The following R3HCC1L variants were observed in gnomAD, a reference collection of about 807,000 sequenced individuals.
R3HCC1L encodes the protein coiled-coil domain-containing protein R3HCC1L.
R3HCC1L carries 51 observed loss-of-function variants against 59.9 expected under a neutral mutation model. The observed-to-expected ratio is 0.85, with a 90% CI of 0.68 to 1.07. The LOEUF (loss-of-function observed/expected upper bound fraction) is 1.07, where lower values mean the gene tolerates loss of function less well. R3HCC1L is among the 50% of genes least tolerant of loss of function. The pLI is 0.00. For missense variants in R3HCC1L, 965 were observed against 933.0 expected (o/e 1.03, Z -0.45); for synonymous variants, 322 against 315.2 (o/e 1.02, Z -0.23).
chr10:98,153,883 G>A (rs558324098), intron 1 of R3HCC1L, among the ~76,000 whole-genome samples: 2 of 151,524 alleles, frequency 1.3e-5, no homozygotes, highest in Non-Finnish European at 1.5e-5. Flanking sequence ...TTTCCCCACT[G>A]TGTTCAGATT....
intron 9 of R3HCC1L, among the ~76,000 whole-genome samples, chr10:98,236,458 T>A (rs567442482): frequency 8.5e-5 from 13 of 152,218 alleles, no homozygotes; most frequent in Non-Finnish European, 1.9e-4. Context: ...ATGAGAAAAA[T>A]TTTCCTGTGA....
intron 4 of R3HCC1L, among the ~76,000 whole-genome samples, chr10:98,166,782 C>T (rs1402038074): frequency 2.6e-5 from 4 of 152,216 alleles, no homozygotes; most frequent in South Asian, 2.1e-4. Flanking sequence ...TCTCCTGCCT[C>T]AGCCTCCCGA....
At chr10:98,188,205 G>A (rs1482573337) in intron 4 of R3HCC1L, among the ~76,000 whole-genome samples, 1 of 152,166 alleles carries the variant, frequency 6.6e-6, no homozygotes, top group Non-Finnish European at 1.5e-5. Context: ...TGCTGTATGT[G>A]CCAGGAATGG....
intron 4 of R3HCC1L, among the ~76,000 whole-genome samples, chr10:98,200,850 A>T (rs1851958457): frequency 6.6e-6 from 1 of 152,174 alleles, no homozygotes; most frequent in Non-Finnish European, 1.5e-5. Context: ...ATTTTTAAAC[A>T]TCTTCACCAA....
chr10:98,222,734 A>G (rs550772107), intron 5 of R3HCC1L, among the ~76,000 whole-genome samples: 1 of 152,308 alleles, frequency 6.6e-6, no homozygotes, highest in Admixed American at 6.5e-5. Context: ...CCTTCAAAAA[A>G]TTAATGAATC....
rs536465340 is a variant in R3HCC1L, at chr10:98,152,307, C to T, written c.-267-3786C>T. 9.7e-4 allele frequency among the ~76,000 whole-genome samples: 147 copies of T among 152,182 alleles called. 1 individual carries two copies. The highest frequency in any genetic ancestry group is 3.4e-3 in the African/African-American group (143 of 41,574). Reference sequence around the variant, plus strand: ...TGGCGCCATCTCGGCTAGCTACGACCTCCACCTCCCAGCCGCCTGCCTTGG... The same window carrying T: ...TGGCGCCATCTCGGCTAGCTACGACTTCCACCTCCCAGCCGCCTGCCTTGG... On this transcript the variant is annotated intron_variant, in intron 1 of 9. Coordinates refer to ENST00000298999, the MANE Select transcript of R3HCC1L (RefSeq NM_001351015.2).
intron 4 of R3HCC1L, among the ~76,000 whole-genome samples, chr10:98,181,721 A>C (rs1157605372): frequency 6.6e-6 from 1 of 151,302 alleles, no homozygotes; most frequent in Non-Finnish European, 1.5e-5. Context: ...ATTTCTTTTT[A>C]CTCGTTTTTC....
chr10:98,149,048 T>C (rs549945352), intron 1 of R3HCC1L, among the ~76,000 whole-genome samples: 3 of 152,304 alleles, frequency 2.0e-5, no homozygotes, highest in African/African-American at 7.2e-5. Flanking sequence ...TGGCTATTTC[T>C]TATTGGTTTG....
intron 1 of R3HCC1L, among the ~76,000 whole-genome samples, chr10:98,152,549 G>A (rs1342795120): frequency 1.6e-5 from 2 of 125,908 alleles, no homozygotes; most frequent in African/African-American, 5.2e-5. Context: ...AGTGAGGAGC[G>A]CCTCTTCCCG....
At chr10:98,237,166 CTT>C (rs1376746871) in intron 9 of R3HCC1L, among the ~76,000 whole-genome samples, 1 of 152,184 alleles carries the variant, frequency 6.6e-6, no homozygotes, top group Non-Finnish European at 1.5e-5. Flanking sequence ...ATTTTTGAAA[CTT>C]TAATGATTAT....
At position 98,229,055 on chromosome 10, in the gene R3HCC1L, T is replaced by G. The variant is rs568860029; in HGVS notation, c.1786-2457T>G. Among the ~76,000 whole-genome samples the G allele has an allele frequency of 9.9e-5, 15 of 152,228 alleles. No homozygotes were observed. In the South Asian group the frequency reaches 3.1e-3, roughly 32 times the overall value. On this transcript the variant is annotated intron_variant, in intron 5 of 9. Coordinates refer to ENST00000298999, the MANE Select transcript of R3HCC1L (RefSeq NM_001351015.2). ...TTTGTTCTTTTGGCTTAGGATTGAC[T>G]TGGCAATGCAGGCTCTTTTTTGGTT...
intron 4 of R3HCC1L, among the ~76,000 whole-genome samples, chr10:98,202,416 A>G (rs1852149458): frequency 6.6e-6 from 1 of 152,202 alleles, no homozygotes; most frequent in Non-Finnish European, 1.5e-5. Context: ...GCATCACTGA[A>G]GGACAGGTGG....
Position 98,208,382 on chromosome 10 carries a change from A to G in R3HCC1L, c.268A>G (p.Thr90Ala), listed in dbSNP as rs1252281029. The stretch of plus-strand genomic sequence containing the variant: ...TTGTAGAGAAGAAAAGAAATCTTCA[A>G]CAAAATTAAGAATGGACACATGCCT... ...HNCREEKKSSTKLRMDTCLQK... is the reference protein window; with the variant it reads ...HNCREEKKSSAKLRMDTCLQK... Residue 90 changes from threonine (T) to alanine (A), a missense_variant, in exon 5 of 10, where the codon ACA becomes GCA. Physicochemically the swap from Thr to Ala is moderately conservative, Grantham distance 58 (BLOSUM62 0). Coordinates refer to ENST00000298999, the MANE Select transcript of R3HCC1L (RefSeq NM_001351015.2). 2.5e-6 allele frequency: 4 copies of G among 1,614,012 alleles called. No individual in the cohort carries two copies. Among genetic ancestry groups the G allele is most frequent in the African/African-American group, 2.7e-5 (2 of 75,038 alleles).
intron 5 of R3HCC1L, among the ~76,000 whole-genome samples, chr10:98,223,202 A>G (rs1446069316): frequency 6.6e-6 from 1 of 152,242 alleles, no homozygotes; most frequent in Non-Finnish European, 1.5e-5. Flanking sequence ...GGCCAGCATC[A>G]TTTTGATACC....
rs140934479 is a variant in R3HCC1L at position 98,241,906 on chromosome 10, C to G, written c.2270-2185C>G. On this transcript the variant is annotated intron_variant, in intron 9 of 9. Coordinates refer to ENST00000298999, the MANE Select transcript of R3HCC1L (RefSeq NM_001351015.2). ...ATTTCCTATCCTGACCTACATTTCT[C>G]TATTCTATTCATGTTCTTGTATTTC... is the stretch of plus-strand genomic sequence containing the variant. 2.4e-3 allele frequency among the ~76,000 whole-genome samples: 366 copies of G among 152,222 alleles called. 3 individuals are homozygous for G. The highest frequency in any genetic ancestry group is 7.7e-3 in the African/African-American group (318 of 41,530).
At chr10:98,214,892 A>G (rs560880973) in intron 5 of R3HCC1L, among the ~76,000 whole-genome samples, 3 of 152,340 alleles carry the variant, frequency 2.0e-5, no homozygotes, top group African/African-American at 7.2e-5. Flanking sequence ...CTCCTTAAAC[A>G]TTGATTTAGC....
chr10:98,240,356 T>G (rs1564745857), intron 9 of R3HCC1L, among the ~76,000 whole-genome samples: 1 of 152,166 alleles, frequency 6.6e-6, no homozygotes, highest in Non-Finnish European at 1.5e-5. Flanking sequence ...TATATAAAAT[T>G]TTCCCATGTT....
intron 4 of R3HCC1L, among the ~76,000 whole-genome samples, chr10:98,167,837 A>G (rs916655453): frequency 3.3e-5 from 5 of 152,210 alleles, no homozygotes; most frequent in African/African-American, 9.7e-5. Context: ...AAAATGAGAT[A>G]ACATATATGA....
intron 4 of R3HCC1L, among the ~76,000 whole-genome samples, chr10:98,184,521 G>A (rs557953276): frequency 6.6e-6 from 1 of 152,094 alleles, no homozygotes; most frequent in Non-Finnish European, 1.5e-5. Flanking sequence ...AGGCTATACT[G>A]TCTTTGTCTG....
Sources: gnomAD v4.1 joint callset for allele counts (sites outside exome capture counted in the v4.1 genomes callset) on GRCh38, gnomAD v4.1.1 for gene constraint, MANE v1.5 for transcripts, NCBI Gene and HGNC (gene_info 2026-07-23, HGNC 2026-07-21) for gene names.